NRG4: variants seen among roughly 807,000 people sequenced by gnomAD.
NRG4 encodes the protein neuregulin 4, also known as pro-neuregulin-4, membrane-bound isoform.
Under a neutral mutation model 15.0 loss-of-function variants are expected in NRG4, and 10 were observed. The observed-to-expected ratio is 0.67, with a 90% CI of 0.41 to 1.13. The LOEUF (loss-of-function observed/expected upper bound fraction) is 1.13, where lower values mean the gene tolerates loss of function less well. Among genes scored for constraint, NRG4 ranks in the 50% most tolerant of loss-of-function variants. The pLI is 0.00. For missense variants in NRG4, 139 were observed against 140.2 expected (o/e 0.99, Z 0.04); for synonymous variants, 41 against 50.1 (o/e 0.82, Z 0.77).
At chr15:75,968,581 C>A in intron 3 of NRG4, among the ~76,000 whole-genome samples, 1 of 127,528 alleles carries the variant, frequency 7.8e-6, no homozygotes, top group Admixed American at 8.1e-5. Flanking sequence ...AGCGAAACTC[C>A]ATCTAAAAAA....
At chr15:76,004,098 CAA>C (rs1401646455) in intron 3 of NRG4, among the ~76,000 whole-genome samples, 3 of 152,060 alleles carry the variant, frequency 2.0e-5, no homozygotes, top group Non-Finnish European at 4.4e-5. Context: ...TTGTGGCACA[CAA>C]TATATAAAAA....
At chr15:75,958,711 G>A (rs746973923) in intron 4 of NRG4, among the ~76,000 whole-genome samples, 1 of 151,428 alleles carries the variant, frequency 6.6e-6, no homozygotes, top group Non-Finnish European at 1.5e-5. Flanking sequence ...ATATATATAC[G>A]CTTTTCCTTC....
At chr15:75,988,407 G>A (rs1440454722) in intron 3 of NRG4, among the ~76,000 whole-genome samples, 1 of 152,078 alleles carries the variant, frequency 6.6e-6, no homozygotes, top group Non-Finnish European at 1.5e-5. Flanking sequence ...GGCTGGTCTC[G>A]AACTCCTGAC....
chr15:75,937,666 C>T (rs1234416048), downstream of NRG4: 1 of 152,350 alleles, frequency 6.6e-6, no homozygotes, highest in Non-Finnish European at 1.5e-5. Context: ...CCGAGCCTCT[C>T]CCTACATTGT....
At chr15:75,978,328 C>A (rs1327257352) in intron 3 of NRG4, among the ~76,000 whole-genome samples, 1 of 152,134 alleles carries the variant, frequency 6.6e-6, no homozygotes, top group African/African-American at 2.4e-5. Flanking sequence ...GATTATTTCC[C>A]TTAACATAAT....
chr15:75,950,476 T>TC (rs1365374335), intron 5 of NRG4: 1 of 230,820 alleles, frequency 4.3e-6, no homozygotes, highest in African/African-American at 2.3e-5. Context: ...GTCAGTGGAG[T>TC]CACTCTCTGG....
At position 76,050,834 on chromosome 15, in the gene NRG4, CTCAG is replaced by C. The variant is rs537215006; in HGVS notation, c.-105+1229_-105+1232del. On this transcript the variant is annotated intron_variant, in intron 4 of 8. Transcript: ENST00000563910. ...TTTTTTTTTTTTTAAGATATGGGGT[CTCAG>C]TCTGTCACCCAGACTGTGGCGCAAT... Among the ~76,000 whole-genome samples, 125 of 148,200 alleles carry C rather than the reference CTCAG, an allele frequency of 8.4e-4. 3 individuals are homozygous for C. The highest frequency in any genetic ancestry group is 3.0e-3 in the African/African-American group (119 of 39,284).
At chr15:75,943,688 T>G in intron 5 of NRG4, 34 bp from the exon 6 acceptor site, 2 of 1,457,584 alleles carry the variant, frequency 1.4e-6, no homozygotes, top group South Asian at 2.3e-5. Flanking sequence ...AGATGCTTTC[T>G]CCATTGCAAT....
intron 5 of NRG4, among the ~76,000 whole-genome samples, chr15:75,947,733 T>A (rs1330651205): frequency 6.6e-6 from 1 of 152,192 alleles, no homozygotes; most frequent in Non-Finnish European, 1.5e-5. Flanking sequence ...TTTCTTAAAG[T>A]GGTCGCACAA....
Position 75,982,214 on chromosome 15 carries a change from G to A in NRG4, c.105-20240C>T, listed in dbSNP as rs1369568612. Among the ~76,000 whole-genome samples the A allele has an allele frequency of 2.2e-4, 34 of 152,062 alleles. 2 individuals carry two copies. Among genetic ancestry groups the A allele is most frequent in the Admixed American group, 2.2e-3 (34 of 15,260 alleles). ...AGATTGTACCAATAAGAAAACCGTAGGTCATTCTCACGAATGTCAACACAA... is the reference window on the plus strand; with the variant it reads ...AGATTGTACCAATAAGAAAACCGTAAGTCATTCTCACGAATGTCAACACAA... On this transcript the variant is annotated intron_variant, in intron 3 of 5. Transcript: ENST00000394907.
chr15:75,984,817 A>AT (rs1031750329), intron 3 of NRG4, among the ~76,000 whole-genome samples: 9 of 152,008 alleles, frequency 5.9e-5, no homozygotes, highest in Admixed American at 4.6e-4. Context: ...TTGGCAAATA[A>AT]TTTTTTTTAA....
rs1499062 is a variant in NRG4 at position 76,009,987 on chromosome 15, C to G, written c.11-694G>C. On this transcript the variant is annotated intron_variant, in intron 2 of 5. Transcript: ENST00000394907. The stretch of plus-strand genomic sequence containing the variant: ...TACTTCTCTCTGACTTCTTTTCTCT[C>G]TTTCCTCTTTCCTCAGCCTCATCTT... Among the ~76,000 whole-genome samples, 248 of 152,132 alleles carry G rather than the reference C, an allele frequency of 1.6e-3. 5 individuals are homozygous for G. The highest frequency in any genetic ancestry group is 0.015 in the Admixed American group (234 of 15,280).
chr15:76,051,037 G>A (rs1305645465), intron 4 of NRG4, among the ~76,000 whole-genome samples: 1 of 147,198 alleles, frequency 6.8e-6, no homozygotes, highest in Non-Finnish European at 1.5e-5. Context: ...ATGGAGTCTC[G>A]CTCTGTCGCC....
At chr15:76,012,491 G>C (rs2034846831), upstream of NRG4, 1 of 152,224 alleles carries the variant, frequency 6.6e-6, no homozygotes, top group Non-Finnish European at 1.5e-5. Context: ...ACAGAGGTCA[G>C]GCACTGGCCA....
chr15:75,970,254 T>A (rs2033027602), intron 3 of NRG4, among the ~76,000 whole-genome samples: 1 of 152,204 alleles, frequency 6.6e-6, no homozygotes, highest in South Asian at 2.1e-4. Context: ...AAAATACAAT[T>A]GAGACAACAC....
At chr15:75,939,927 C>T (rs1219610950), downstream of NRG4, 1 of 152,040 alleles carries the variant, frequency 6.6e-6, no homozygotes, top group African/African-American at 2.4e-5. Context: ...AGACACCATA[C>T]TTAGTGGTGA....
intron 3 of NRG4, among the ~76,000 whole-genome samples, chr15:75,995,083 G>A (rs547134918): frequency 3.9e-5 from 6 of 152,100 alleles, no homozygotes; most frequent in Admixed American, 3.9e-4. Flanking sequence ...AGCTACTCCC[G>A]AGGCTGAGGT....
chr15:75,984,329 A>G, intron 3 of NRG4, among the ~76,000 whole-genome samples: 1 of 152,056 alleles, frequency 6.6e-6, no homozygotes, highest in East Asian at 1.9e-4. Context: ...CGTCCTCTCA[A>G]TTTTGCTGTG....
chr15:76,040,608 G>T (rs1439641341), intron 4 of NRG4, among the ~76,000 whole-genome samples: 1 of 152,154 alleles, frequency 6.6e-6, no homozygotes, highest in African/African-American at 2.4e-5. Flanking sequence ...AAGATTAAAT[G>T]ATGAACCAAT....
Sources: gnomAD v4.1 joint callset for allele counts (sites outside exome capture counted in the v4.1 genomes callset) on GRCh38, gnomAD v4.1.1 for gene constraint, MANE v1.5 for transcripts, NCBI Gene and HGNC (gene_info 2026-07-23, HGNC 2026-07-21) for gene names.